Variants in BCKDHB observed in about 807,000 individuals in gnomAD.
The protein encoded by BCKDHB is 2-oxoisovalerate dehydrogenase subunit beta, mitochondrial.
Under a neutral mutation model 48.5 loss-of-function variants are expected in BCKDHB, and 41 were observed. That is an observed-to-expected ratio of 0.85 (90% CI 0.66 to 1.10). The LOEUF is 1.10. BCKDHB is among the 50% of genes least tolerant of loss of function. BCKDHB has a pLI of 0.00. For synonymous variants in BCKDHB, 201 were observed against 174.8 expected (o/e 1.15, Z -1.18); for missense variants, 496 against 494.2 (o/e 1.00, Z -0.03).
intron 8 of BCKDHB, among the ~76,000 whole-genome samples, chr6:80,235,424 G>A (rs1776109740): frequency 6.6e-6 from 1 of 152,096 alleles, no homozygotes; most frequent in Non-Finnish European, 1.5e-5. Context: ...TTTTACTTTT[G>A]AGGAAACATG....
chr6:80,385,099 T>C, the BCKDHB span, among the ~76,000 whole-genome samples: 7 of 152,144 alleles, frequency 4.6e-5, no homozygotes, highest in African/African-American at 1.4e-4. Context: ...TTTGACCATA[T>C]GAGGAGAACC....
intron 8 of BCKDHB, among the ~76,000 whole-genome samples, chr6:80,260,419 T>A (rs1034188420): frequency 6.6e-6 from 1 of 152,164 alleles, no homozygotes; most frequent in African/African-American, 2.4e-5. Context: ...AAACAGACTC[T>A]CACTCTTCCA....
chr6:80,315,098 C>T (rs2127998971), intron 9 of BCKDHB, among the ~76,000 whole-genome samples: 1 of 152,270 alleles, frequency 6.6e-6, no homozygotes, highest in South Asian at 2.1e-4. Context: ...GAAATGGGGC[C>T]TGTAGAACTG....
chr6:80,421,907 A>T, the BCKDHB span, among the ~76,000 whole-genome samples: 1 of 152,238 alleles, frequency 6.6e-6, no homozygotes, highest in Non-Finnish European at 1.5e-5. Flanking sequence ...CAGCGTGACC[A>T]TGAGGTAGAA....
chr6:80,219,238 G>T (rs866157702), intron 8 of BCKDHB, among the ~76,000 whole-genome samples: 5 of 144,846 alleles, frequency 3.5e-5, no homozygotes, highest in African/African-American at 1.3e-4. Flanking sequence ...ACAGGGTCTT[G>T]CTCTTGTCAC....
the BCKDHB span, among the ~76,000 whole-genome samples, chr6:80,380,091 A>C: frequency 6.6e-6 from 1 of 152,080 alleles, no homozygotes; most frequent in East Asian, 1.9e-4. Flanking sequence ...CAATCCTAAA[A>C]TTCATATGGA....
chr6:80,291,461 G>T (rs1041544140), intron 9 of BCKDHB, among the ~76,000 whole-genome samples: 11 of 152,134 alleles, frequency 7.2e-5, no homozygotes, highest in African/African-American at 2.7e-4. Flanking sequence ...CTGCATTCCT[G>T]CACAAAGAGT....
At chr6:80,448,074 A>G in the BCKDHB span, among the ~76,000 whole-genome samples, 1 of 152,126 alleles carries the variant, frequency 6.6e-6, no homozygotes, top group East Asian at 1.9e-4. Context: ...AGGTGCTGGG[A>G]TTATGTGACT....
chr6:80,142,865 T>C (rs908297528), intron 3 of BCKDHB, among the ~76,000 whole-genome samples: 8 of 152,264 alleles, frequency 5.3e-5, no homozygotes, highest in Middle Eastern at 3.4e-3. Flanking sequence ...AGTCCAGTTA[T>C]GAAAAAATTT....
intron 6 of BCKDHB, among the ~76,000 whole-genome samples, chr6:80,173,406 T>C (rs1047777499): frequency 1.2e-4 from 19 of 152,090 alleles, no homozygotes; most frequent in Admixed American, 1.2e-3. Flanking sequence ...CAGAAGAAAT[T>C]AGGATAGGAA....
intron 6 of BCKDHB, among the ~76,000 whole-genome samples, chr6:80,192,846 T>A (rs1773961244): frequency 6.8e-6 from 1 of 147,926 alleles, no homozygotes; most frequent in African/African-American, 2.5e-5. Flanking sequence ...TGAAATGGAG[T>A]CTTGCTCTGT....
intron 3 of BCKDHB, among the ~76,000 whole-genome samples, chr6:80,163,772 C>G (rs1458529037): frequency 6.6e-6 from 1 of 152,208 alleles, no homozygotes. Context: ...CAACATGCTT[C>G]TTCACAGTTT....
chr6:80,145,953 G>T (rs903867966), intron 3 of BCKDHB, among the ~76,000 whole-genome samples: 1 of 152,126 alleles, frequency 6.6e-6, no homozygotes, highest in Non-Finnish European at 1.5e-5. Context: ...TCCTAGGAAG[G>T]TAGATGCCTT....
At chr6:80,408,233 A>T in the BCKDHB span, among the ~76,000 whole-genome samples, 1 of 151,926 alleles carries the variant, frequency 6.6e-6, no homozygotes, top group Non-Finnish European at 1.5e-5. Flanking sequence ...AAGCTTTTTG[A>T]TCTGTTGCTG....
chr6:80,277,770 C>T (rs914050586), intron 9 of BCKDHB, among the ~76,000 whole-genome samples: 1 of 150,566 alleles, frequency 6.6e-6, no homozygotes, highest in Non-Finnish European at 1.5e-5. Flanking sequence ...TGTGCGGTCT[C>T]TTTTCTTAGC....
intron 1 of BCKDHB, 113 bp downstream of exon 1, chr6:80,107,002 A>G: frequency 1.5e-6 from 2 of 1,324,052 alleles, no homozygotes; most frequent in Non-Finnish European, 2.1e-6. Context: ...CAGCTTATTA[A>G]CTTCCTGACT....
At chr6:80,308,583 T>C (rs1329850130) in intron 9 of BCKDHB, among the ~76,000 whole-genome samples, 2 of 133,554 alleles carry the variant, frequency 1.5e-5, no homozygotes, top group East Asian at 4.3e-4. Flanking sequence ...GTAGATTTTC[T>C]TCTTCTTCTT....
At chr6:80,285,657 C>A (rs1368764164) in intron 9 of BCKDHB, among the ~76,000 whole-genome samples, 1 of 152,072 alleles carries the variant, frequency 6.6e-6, no homozygotes, top group Non-Finnish European at 1.5e-5. Flanking sequence ...AACATGTGGA[C>A]CTTTGCAGCA....
the BCKDHB span, among the ~76,000 whole-genome samples, chr6:80,458,518 G>A: frequency 4.8e-3 from 728 of 152,248 alleles, 5 homozygotes; most frequent in African/African-American, 0.016. Context: ...GATTCGAAAC[G>A]GATTCCTGTC....
Sources: gnomAD v4.1 joint callset for allele counts (sites outside exome capture counted in the v4.1 genomes callset) on GRCh38, gnomAD v4.1.1 for gene constraint, MANE v1.5 for transcripts, NCBI Gene and HGNC (gene_info 2026-07-23, HGNC 2026-07-21) for gene names.